Variants in PLOD1 observed in about 807,000 individuals in gnomAD.
The protein encoded by PLOD1 is procollagen-lysine,2-oxoglutarate 5-dioxygenase 1, also known as lysine hydroxylase.
In PLOD1, 70 loss-of-function variants were observed where a neutral mutation model predicts 94.7. That is an observed-to-expected ratio of 0.74 (90% confidence interval 0.61 to 0.90). The LOEUF (loss-of-function observed/expected upper bound fraction) is 0.90. PLOD1 is among the 40% of genes least tolerant of loss of function. PLOD1 has a pLI of 0.00. For synonymous variants in PLOD1, 417 were observed against 400.2 expected (o/e 1.04, Z -0.50); for missense variants, 905 against 972.7 (o/e 0.93, Z 0.93).
At chr1:11,962,392 T>G (rs980348686) in intron 10 of PLOD1, among the ~76,000 whole-genome samples, 45 of 151,120 alleles carry the variant, frequency 3.0e-4, no homozygotes, top group African/African-American at 1.1e-3. Flanking sequence ...TTCTCCTGTC[T>G]TAGCCTCCCG....
rs1335688527 is a variant in PLOD1 at position 11,950,507 on chromosome 1, C to G, written c.453C>G (p.Phe151Leu). The G allele has an allele frequency of 2.5e-6, 4 of 1,613,868 alleles. No homozygotes were observed. The African/African-American group carries it at 5.3e-5, about 22-fold the overall frequency. ...KYPVVSDGKR[F>L]LGSGGFIGYA... ...CGGTGGTGTCCGATGGCAAGAGGTT[C>G]CTGGGCTCTGGAGGTGAGAGGCCTG... Residue 151 changes from phenylalanine (F) to leucine (L), a missense_variant, in exon 4 of 19, where the codon TTC (phenylalanine) becomes TTG (leucine). Phe to Leu is a conservative substitution (Grantham distance 22). Coordinates refer to ENST00000196061, the MANE Select transcript of PLOD1 (RefSeq NM_000302.4).
At chr1:11,944,331 T>G (rs1170389149) in intron 1 of PLOD1, among the ~76,000 whole-genome samples, 6 of 151,964 alleles carry the variant, frequency 3.9e-5, no homozygotes, top group African/African-American at 1.4e-4. Flanking sequence ...AAAGGGGCTT[T>G]GAGCCACGCC....
intron 1 of PLOD1, chr1:11,944,632 A>C: frequency 7.3e-7 from 1 of 1,363,088 alleles, no homozygotes; most frequent in Middle Eastern, 2.1e-4. Context: ...AAGTGTGAGC[A>C]GCATCCCTCG....
At chr1:11,968,961 G>T (rs2100763109) in intron 16 of PLOD1, among the ~76,000 whole-genome samples, 1 of 149,206 alleles carries the variant, frequency 6.7e-6, no homozygotes, top group East Asian at 2.0e-4. Context: ...GAGTTCAAGT[G>T]ATTCTCTTGC....
At chr1:11,966,946 G>A in intron 15 of PLOD1, 41 bp from the exon 16 acceptor site, 1 of 1,205,366 alleles carries the variant, frequency 8.3e-7, no homozygotes, top group Non-Finnish European at 1.2e-6. Context: ...ATTCTGTGGT[G>A]CCACTGTGGA....
intron 6 of PLOD1, among the ~76,000 whole-genome samples, chr1:11,955,566 T>C (rs1645732371): frequency 6.6e-6 from 1 of 152,144 alleles, no homozygotes; most frequent in Non-Finnish European, 1.5e-5. Flanking sequence ...CTGTGGTTTC[T>C]GGGGGTTAAG....
Position 11,957,105 on chromosome 1 carries a change from A to G in PLOD1, c.741+91A>G. ...GACCCCACAGTGTCTCCCTGGGGCC[A>G]GGGCCACCTTCCTGGGGCCTGCTAT... On this transcript the variant is annotated intron_variant, in intron 7 of 18. Coordinates refer to ENST00000196061, the MANE Select transcript of PLOD1 (RefSeq NM_000302.4). This position sits in a 1 kb window ranked among gnomAD's most constrained non-coding sequence, Gnocchi z 4.1. 1.1e-6 allele frequency: 1 copy of G among 874,194 alleles called. No individual in the cohort carries two copies. The highest frequency in any genetic ancestry group is 1.3e-5 in the South Asian group (1 of 76,160). 54.2% of individuals were successfully genotyped at this position (874,194 alleles called of 1,614,324 possible).
chr1:11,965,551 C>T lies in PLOD1; in HGVS notation c.1542C>T (p.Thr514=), dbSNP rs916626462. The change falls in exon 14 of 19, where the codon ACC becomes ACT. Residue 514 remains threonine, a synonymous_variant. Transcript: ENST00000196061. The part of the protein sequence containing the change: ...HLLSLDSYRT[T]HLHNDLWEVF... ...TCTCCCTAGACAGCTACCGCACCAC[C>T]CACCTGCACAACGACCTCTGGGAGG... The T allele has an allele frequency of 1.2e-6, 2 of 1,613,668 alleles. No individual in the cohort carries two copies. Among genetic ancestry groups the T allele is most frequent in the African/African-American group, 1.3e-5 (1 of 75,034 alleles).
chr1:11,940,317 C>G (rs887064547), intron 1 of PLOD1, among the ~76,000 whole-genome samples: 1 of 152,132 alleles, frequency 6.6e-6, no homozygotes, highest in African/African-American at 2.4e-5. Flanking sequence ...GCCACCCCAC[C>G]CTCTGCATCA....
At chr1:11,971,931 C>A (rs1407368441) in intron 17 of PLOD1, 2 of 152,252 alleles carry the variant, frequency 1.3e-5, no homozygotes, top group African/African-American at 4.8e-5. Flanking sequence ...GAAACAATTA[C>A]CTGGCTGGCC....
Position 11,950,375 on chromosome 1 carries a change from A to C in PLOD1, c.321A>C (p.Ala107=). The C allele has an allele frequency of 1.9e-6, 3 of 1,614,132 alleles. No individual in the cohort carries two copies. The highest frequency in any genetic ancestry group is 1.7e-6 in the Non-Finnish European group (2 of 1,180,004). The change falls in exon 4 of 19, where the codon GCA becomes GCC. Residue 107 remains alanine, a synonymous_variant. Transcript: ENST00000196061. ...GCCACAGCTATGACGTGCTGTTTGC[A>C]TCGGGGCCCCGGGAGCTCCTGAAGA... The part of the protein sequence containing the change: ...LFADSYDVLF[A]SGPRELLKKF...
intron 6 of PLOD1, among the ~76,000 whole-genome samples, 200 bp from the exon 7 acceptor site, chr1:11,956,717 C>T (rs1432816491): frequency 6.6e-6 from 1 of 152,134 alleles, no homozygotes; most frequent in Non-Finnish European, 1.5e-5. Context: ...CACGCTTGTT[C>T]AACACAAATC....
chr1:11,967,941 T>TTG (rs923370133), intron 16 of PLOD1, among the ~76,000 whole-genome samples: 8 of 150,410 alleles, frequency 5.3e-5, no homozygotes, highest in South Asian at 2.1e-4. Flanking sequence ...ATTTATTTAA[T>TTG]TGTGTGTGTG....
At chr1:11,940,079 G>C (rs1391302793) in intron 1 of PLOD1, among the ~76,000 whole-genome samples, 3 of 151,998 alleles carry the variant, frequency 2.0e-5, no homozygotes, top group Non-Finnish European at 4.4e-5. Flanking sequence ...CTGTGGCCCA[G>C]TAGCATGACT....
intron 9 of PLOD1, among the ~76,000 whole-genome samples, 153 bp from the exon 10 acceptor site, chr1:11,960,493 C>T (rs1396659515): frequency 6.6e-6 from 1 of 152,080 alleles, no homozygotes; most frequent in African/African-American, 2.4e-5. Context: ...ACAGGGCTGG[C>T]ATGGGCAAAG....
chr1:11,948,382 C>T (rs755429855), intron 2 of PLOD1, among the ~76,000 whole-genome samples: 4 of 152,038 alleles, frequency 2.6e-5, no homozygotes, highest in South Asian at 2.1e-4. Context: ...AGTACCACCC[C>T]GTAATTTGGG....
At chr1:11,947,838 C>A in intron 1 of PLOD1, 138 bp from the exon 2 acceptor site, 1 of 687,290 alleles carries the variant, frequency 1.5e-6, no homozygotes, top group East Asian at 2.7e-5. Flanking sequence ...ATCCTTTCTT[C>A]CCTGGGCCCT....
intron 1 of PLOD1, among the ~76,000 whole-genome samples, chr1:11,947,538 C>A (rs1034990068): frequency 6.6e-6 from 1 of 152,106 alleles, no homozygotes; most frequent in Non-Finnish European, 1.5e-5. Context: ...CCACTGCACT[C>A]CAGCCTGGGT....
At chr1:11,964,337 C>G in intron 12 of PLOD1, 37 bp downstream of exon 12, 1 of 1,579,122 alleles carries the variant, frequency 6.3e-7, no homozygotes, top group Non-Finnish European at 8.7e-7. Context: ...TGGGGGACAC[C>G]TTCATCTGGC....
Sources: allele counts gnomAD v4.1 joint callset (sites outside exome capture counted in the v4.1 genomes callset), GRCh38; gene constraint gnomAD v4.1.1; non-coding constraint Gnocchi (gnomAD v3.1); transcripts MANE v1.5; gene names NCBI Gene and HGNC (gene_info 2026-07-23, HGNC 2026-07-21).